Variants in RANBP2 observed in about 807,000 individuals in gnomAD.
The protein encoded by RANBP2 is E3 SUMO-protein ligase RanBP2.
Under a neutral mutation model 303.6 loss-of-function variants are expected in RANBP2, and 57 were observed. The observed-to-expected ratio is 0.19, with a 90% CI of 0.15 to 0.23. The LOEUF is 0.23. Among genes scored for constraint, RANBP2 ranks in the 10% least tolerant of loss-of-function variants. The pLI is 1.00. For missense variants in RANBP2, 3,138 were observed against 3,780.8 expected (o/e 0.83, Z 4.46); for synonymous variants, 1,167 against 1,301.5 (o/e 0.90, Z 2.23).
chr2:109,078,104 A>ATATATATATATATGGCG, the RANBP2 span, among the ~76,000 whole-genome samples: 1 of 88,390 alleles, frequency 1.1e-5, no homozygotes, highest in Non-Finnish European at 2.4e-5. Flanking sequence ...ATATATATAT[A>ATATATATATATATGGCG]TATATATATA....
At chr2:108,962,627 A>G in the RANBP2 span, among the ~76,000 whole-genome samples, 1 of 144,214 alleles carries the variant, frequency 6.9e-6, no homozygotes, top group African/African-American at 2.6e-5. Context: ...GAGAGCCGAG[A>G]TCGCTCCACT....
chr2:108,762,749 C>G (rs1380092133), intron 19 of RANBP2, among the ~76,000 whole-genome samples: 1 of 151,102 alleles, frequency 6.6e-6, no homozygotes, highest in African/African-American at 2.4e-5. Flanking sequence ...ATGTAAAGTG[C>G]TTAGAACAGT....
the RANBP2 span, chr2:108,839,433 G>A: frequency 1.4e-6 from 1 of 718,804 alleles, no homozygotes; most frequent in South Asian, 2.7e-5. Flanking sequence ...TGTCTTGCTG[G>A]GATTTTGATA....
the RANBP2 span, among the ~76,000 whole-genome samples, chr2:109,678,307 C>G: frequency 6.6e-6 from 1 of 152,246 alleles, no homozygotes; most frequent in East Asian, 1.9e-4. Flanking sequence ...AGCAGGTTAA[C>G]CTGTGTATCA....
At chr2:109,051,556 GT>G in the RANBP2 span, among the ~76,000 whole-genome samples, 2 of 152,144 alleles carry the variant, frequency 1.3e-5, no homozygotes, top group Non-Finnish European at 2.9e-5. Context: ...CAAACCAATA[GT>G]TGGCATAAGT....
At position 108,765,844 on chromosome 2, in the gene RANBP2, A is replaced by G; in HGVS notation, c.5305A>G (p.Lys1769Glu). ...AACACCTGCCTCTTCGGAGATAAGC[A>G]AGGCTCCAAAGAGTGGATTTGAAGG... is the stretch of plus-strand genomic sequence containing the variant. ...ISTPASSEISKAPKSGFEGMF... is the reference protein window; with the variant it reads ...ISTPASSEISEAPKSGFEGMF... Residue 1769 changes from lysine (K) to glutamate (E), a missense_variant, in exon 20 of 29, where the codon AAG (lysine) becomes GAG (glutamate). Physicochemically the swap from Lys to Glu is moderately conservative, Grantham distance 56. This residue lies in a region of RANBP2 where 348 missense variants were observed against 360.4 expected (regional missense o/e 0.97). Transcript: ENST00000283195. The G allele has an allele frequency of 6.2e-7, 1 of 1,614,204 alleles. No homozygotes were observed. Among genetic ancestry groups the G allele is most frequent in the Non-Finnish European group, 8.5e-7 (1 of 1,180,002 alleles).
At chr2:108,922,391 C>T in the RANBP2 span, among the ~76,000 whole-genome samples, 1 of 152,206 alleles carries the variant, frequency 6.6e-6, no homozygotes, top group African/African-American at 2.4e-5. Flanking sequence ...TATGGCTGGC[C>T]AGGAAAATGG....
At chr2:109,353,519 A>T in the RANBP2 span, among the ~76,000 whole-genome samples, 67 of 152,194 alleles carry the variant, frequency 4.4e-4, no homozygotes, top group African/African-American at 1.5e-3. Context: ...AACATAGGGC[A>T]GCAAGGGGCG....
chr2:108,775,212 A>G (rs1677793742), intron 23 of RANBP2, among the ~76,000 whole-genome samples: 1 of 152,014 alleles, frequency 6.6e-6, no homozygotes, highest in Non-Finnish European at 1.5e-5. Flanking sequence ...CCATTTCCAA[A>G]TATTTGGTGA....
chr2:108,821,704 G>T, the RANBP2 span, among the ~76,000 whole-genome samples: 1 of 151,832 alleles, frequency 6.6e-6, no homozygotes, highest in Non-Finnish European at 1.5e-5. Flanking sequence ...CAGTACTTTG[G>T]GAGGCTGAGA....
At chr2:109,317,315 C>T in the RANBP2 span, among the ~76,000 whole-genome samples, 1 of 152,148 alleles carries the variant, frequency 6.6e-6, no homozygotes, top group Non-Finnish European at 1.5e-5. Flanking sequence ...CAATGCCTGT[C>T]CCTGAGGGGG....
chr2:108,766,932 G>A lies in RANBP2; in HGVS notation c.6393G>A (p.Leu2131=), dbSNP rs760911618. ...CAGCAAAATTTAAAACACCAGAGCT[G>A]GCTGAAGAATTCAAGCAGAAATTTG... ...QLAAKFKTPE[L]AEEFKQKFEE... is the part of the protein sequence containing the mutation. The change falls in exon 20 of 29, where the codon CTG becomes CTA. Residue 2131 remains leucine (L), a synonymous_variant. Coordinates refer to ENST00000283195, the MANE Select transcript of RANBP2 (RefSeq NM_006267.5). 9 of 1,609,620 alleles carry A rather than the reference G, an allele frequency of 5.6e-6. No homozygotes were observed. The Admixed American group carries it at 1.5e-4, about 27-fold the overall frequency.
rs753674152 is a variant in RANBP2 at position 108,740,665 on chromosome 2, A to G, written c.959A>G (p.Tyr320Cys). ...CTTTCTGAGCTGGCTGCATTGTGCT[A>G]TCTCATAGCATTTCAGGTAAGTCTT... is the stretch of plus-strand genomic sequence containing the variant. ...RALSELAALC[Y>C]LIAFQVPRPK... Residue 320 changes from tyrosine to cysteine, a missense_variant, in exon 7 of 29, where the codon TAT becomes TGT. Around this residue, in one of 20 missense-constraint regions of RANBP2, gnomAD observed 306 missense variants for 381.9 expected, o/e 0.80. Coordinates refer to ENST00000283195, the MANE Select transcript of RANBP2 (RefSeq NM_006267.5). 6 of 1,597,398 alleles carry G rather than the reference A, an allele frequency of 3.8e-6. No individual in the cohort carries two copies. Among genetic ancestry groups the G allele is most frequent in the Admixed American group, 1.7e-5 (1 of 59,992 alleles).
chr2:109,026,662 T>C, the RANBP2 span, among the ~76,000 whole-genome samples: 1 of 152,144 alleles, frequency 6.6e-6, no homozygotes, highest in African/African-American at 2.4e-5. Flanking sequence ...TCCTGATTGC[T>C]CGGCACCCTC....
At chr2:109,499,675 C>T in the RANBP2 span, among the ~76,000 whole-genome samples, 2 of 152,194 alleles carry the variant, frequency 1.3e-5, no homozygotes, top group Non-Finnish European at 2.9e-5. Flanking sequence ...GAGGAAGGCT[C>T]TCCTGGGGCC....
At chr2:108,802,944 G>T in the RANBP2 span, among the ~76,000 whole-genome samples, 2 of 152,106 alleles carry the variant, frequency 1.3e-5, no homozygotes, top group Admixed American at 1.3e-4. Flanking sequence ...ATTGATTTGC[G>T]TATATTGAAC....
At chr2:109,694,801 A>ATGTG in the RANBP2 span, among the ~76,000 whole-genome samples, 2,642 of 146,290 alleles carry the variant, frequency 0.018, 81 homozygotes, top group African/African-American at 0.063. Flanking sequence ...ATCCATAGGG[A>ATGTG]TGTGTGTGTG....
the RANBP2 span, among the ~76,000 whole-genome samples, chr2:109,717,598 C>T: frequency 2.1e-5 from 3 of 140,340 alleles, no homozygotes; most frequent in Admixed American, 2.2e-4. Flanking sequence ...ACAAAAACAA[C>T]AAAACAACAA....
the RANBP2 span, among the ~76,000 whole-genome samples, chr2:108,844,961 T>A: frequency 1.3e-5 from 2 of 152,142 alleles, no homozygotes; most frequent in East Asian, 3.9e-4. Flanking sequence ...TTGGCCAGAA[T>A]GGTCTTGATA....
Sources: gnomAD v4.1 joint callset for allele counts (sites outside exome capture counted in the v4.1 genomes callset) on GRCh38, gnomAD v4.1.1 for gene constraint, gnomAD v4.1.1 regional missense constraint, MANE v1.5 for transcripts, NCBI Gene and HGNC (gene_info 2026-07-23, HGNC 2026-07-21) for gene names.